The following VPS13C variants were observed in gnomAD, a reference collection of about 807,000 sequenced individuals.
The protein encoded by VPS13C is vacuolar protein sorting 13 homolog C, also known as intermembrane lipid transfer protein VPS13C.
VPS13C carries 358 observed loss-of-function variants against 456.8 expected under a neutral mutation model. The observed-to-expected ratio is 0.78, with a 90% CI of 0.72 to 0.86. VPS13C has a LOEUF of 0.86. VPS13C is among the 40% of genes least tolerant of loss of function. VPS13C has a pLI of 0.00. For synonymous variants in VPS13C, 1,578 were observed against 1,486.7 expected, an observed-to-expected ratio of 1.06 and a Z score of -1.41; for missense variants, 4,818 against 4,385.4, an observed-to-expected ratio of 1.10 and a Z score of -2.79.
intron 68 of VPS13C, among the ~76,000 whole-genome samples, chr15:61,883,202 T>C (rs554022672): frequency 7.1e-6 from 1 of 140,354 alleles, no homozygotes; most frequent in African/African-American, 2.5e-5. Context: ...AATTTTATTA[T>C]CTTTTTTTTT....
chr15:61,980,311 G>A (rs2045842966), intron 22 of VPS13C, among the ~76,000 whole-genome samples: 1 of 149,314 alleles, frequency 6.7e-6, no homozygotes, highest in Admixed American at 6.7e-5. Context: ...TCCAGTCAAA[G>A]CAAAAGCAGA....
intron 80 of VPS13C, among the ~76,000 whole-genome samples, chr15:61,869,116 C>CTTTTTTTTTTTTTTT (rs68084709): frequency 2.3e-5 from 3 of 131,306 alleles, no homozygotes; most frequent in East Asian, 2.3e-4. Context: ...TTTCTTTTTT[C>CTTTTTTTTTTTTTTT]TTTTTTTTTT....
chr15:62,007,871 C>G (rs777876169), intron 14 of VPS13C, among the ~76,000 whole-genome samples: 7 of 152,038 alleles, frequency 4.6e-5, no homozygotes, highest in Non-Finnish European at 8.8e-5. Context: ...CTTTGAGAGG[C>G]CAAGGCGGGC....
At position 61,964,831 on chromosome 15, in the gene VPS13C, G is replaced by C; in HGVS notation, c.3082C>G (p.Gln1028Glu). Residue 1028 changes from glutamine to glutamate, a missense_variant, in exon 31 of 85, where the codon CAA (glutamine) becomes GAA (glutamate). Coordinates refer to ENST00000644861, the MANE Select transcript of VPS13C (RefSeq NM_020821.3). ...VAFSSLNLLL[Q>E]TQALVASINY... ...ATAGAAGCGACAAGAGCTTGTGTTT[G>C]CAGCAACAGATTTAAAGATGAAAAG... 6.3e-7 allele frequency: 1 copy of C among 1,599,866 alleles called. No homozygotes were observed. The highest frequency in any genetic ancestry group is 8.5e-7 in the Non-Finnish European group (1 of 1,175,928).
rs1314872218 is a variant in VPS13C at position 61,867,116 on chromosome 15, G to A, written c.10863+1543C>T. The A allele has an allele frequency of 2.0e-6, 2 of 978,666 alleles. No homozygotes were observed. The highest frequency in any genetic ancestry group is 3.5e-5 in the African/African-American group (2 of 57,070). The allele number at this position is 978,666 out of a possible 1,614,324, so 60.6% of individuals were successfully genotyped here. A position where few individuals can be genotyped will look rare whatever the true frequency, so the allele number is the denominator to read the frequency against. ...ATTTAAAAGCAAAAGGTTGGTTTTT[G>A]AAAATAAAGAAATCTATGTATTCAA... On this transcript the variant is annotated intron_variant, in intron 81 of 84. Coordinates refer to ENST00000644861, the MANE Select transcript of VPS13C (RefSeq NM_020821.3). The surrounding 1 kb of genome is among the most constrained non-coding windows in gnomAD (Gnocchi z 5.0).
rs746313016 is a variant in VPS13C at position 61,877,019 on chromosome 15, T to C, written c.10178A>G (p.Lys3393Arg). 1.2e-6 allele frequency: 2 copies of C among 1,609,940 alleles called. No homozygotes were observed. The highest frequency in any genetic ancestry group is 1.7e-6 in the Non-Finnish European group (2 of 1,177,696). Reference sequence around the variant, plus strand: ...AACACTCCATATAAGCTGATCTCTCTTGTAGAACTGATATCGAATTTCATA... The same window carrying C: ...AACACTCCATATAAGCTGATCTCTCCTGTAGAACTGATATCGAATTTCATA... ...AYYEIRYQFY[K>R]RDQLIWSVVR... is the part of the protein sequence containing the mutation. The change falls in exon 75 of 85, where the codon AAG (lysine) becomes AGG (arginine). Residue 3393 changes from lysine to arginine, a missense_variant. Lys to Arg is a conservative substitution (Grantham distance 26). This residue lies in a region of VPS13C where 4,552 missense variants were observed against 4,130.6 expected (regional missense o/e 1.10). Coordinates refer to ENST00000644861, the MANE Select transcript of VPS13C (RefSeq NM_020821.3).
At chr15:61,877,426 T>G (rs1895506495) in intron 74 of VPS13C, among the ~76,000 whole-genome samples, 2 of 76,944 alleles carry the variant, frequency 2.6e-5, no homozygotes, top group Non-Finnish European at 7.7e-5. Flanking sequence ...TTTCTCTATG[T>G]TATTTAAAAC....
intron 81 of VPS13C, 92 bp downstream of exon 81, chr15:61,868,567 G>C: frequency 9.7e-7 from 1 of 1,026,512 alleles, no homozygotes; most frequent in South Asian, 1.4e-5. Flanking sequence ...AGCAGTTCAA[G>C]AATCAGGAAC....
chr15:62,044,976 T>G lies in VPS13C; in HGVS notation c.101-721A>C, dbSNP rs570455158. 4.6e-5 allele frequency among the ~76,000 whole-genome samples: 7 copies of G among 152,284 alleles called. No individual in the cohort carries two copies. The South Asian group carries it at 1.5e-3, about 32-fold the overall frequency. On this transcript the variant is annotated intron_variant, in intron 1 of 84. Coordinates refer to ENST00000644861, the MANE Select transcript of VPS13C (RefSeq NM_020821.3). ...AGGCGTAAATTACTGTAATATATTT[T>G]CTTAATCATTTATGACACATATATT...
chr15:61,950,494 C>G, intron 40 of VPS13C, 77 bp from the exon 41 acceptor site: 15 of 1,124,486 alleles, frequency 1.3e-5, no homozygotes, highest in Non-Finnish European at 9.2e-6. Flanking sequence ...ATATTCTTTA[C>G]TTTTCTAAGT....
At chr15:61,994,998 C>T (rs1274761157) in intron 16 of VPS13C, among the ~76,000 whole-genome samples, 1 of 152,192 alleles carries the variant, frequency 6.6e-6, no homozygotes, top group East Asian at 1.9e-4. Flanking sequence ...TCTCTTGACT[C>T]CACATTGTCC....
intron 34 of VPS13C, among the ~76,000 whole-genome samples, chr15:61,962,127 A>C (rs1292082866): frequency 2.6e-5 from 4 of 152,146 alleles, no homozygotes; most frequent in African/African-American, 9.7e-5. Context: ...TTTTTCCAAT[A>C]ATTTTTATAC....
chr15:61,854,848 G>C (rs757938502), intron 84 of VPS13C, 23 bp downstream of exon 84: 1 of 1,585,026 alleles, frequency 6.3e-7, no homozygotes, highest in Non-Finnish European at 8.5e-7. Flanking sequence ...AAAAAATTGA[G>C]GCATGCTCTT....
intron 51 of VPS13C, 119 bp downstream of exon 51, chr15:61,929,382 T>A: frequency 1.5e-6 from 2 of 1,307,320 alleles, no homozygotes; most frequent in Non-Finnish European, 2.0e-6. Context: ...TTATATAGAA[T>A]ATGTTTAAAT....
intron 24 of VPS13C, among the ~76,000 whole-genome samples, chr15:61,975,607 T>G (rs1222909786): frequency 6.6e-6 from 1 of 152,040 alleles, no homozygotes; most frequent in Non-Finnish European, 1.5e-5. Context: ...TAGCCCTATA[T>G]CTATGAAAAA....
chr15:62,024,290 G>C (rs2047559306), intron 6 of VPS13C, among the ~76,000 whole-genome samples: 1 of 152,044 alleles, frequency 6.6e-6, no homozygotes, highest in South Asian at 2.1e-4. Context: ...GTTGCCCACA[G>C]ATGACTTCCT....
In VPS13C at chr15:61,880,898, C is replaced by G. The variant is rs1895799706; in HGVS notation, c.9833G>C (p.Gly3278Ala). ...TGGGGTAAACAGTGCAATAATAGCT[C>G]CTAGAAACCCTTGATCAATTTTTAA... ...MALKIDQGFL[G>A]AIIALFTPTT... Residue 3278 changes from glycine to alanine, a missense_variant, in exon 72 of 85, where the codon GGA becomes GCA. Physicochemically the swap from Gly to Ala is moderately conservative, Grantham distance 60. Around this residue, in one of 3 missense-constraint regions of VPS13C, gnomAD observed 4,552 missense variants for 4,130.6 expected, o/e 1.10. Transcript: ENST00000644861. 1 of 1,610,378 alleles carries G rather than the reference C, an allele frequency of 6.2e-7. No individual in the cohort carries two copies. The highest frequency in any genetic ancestry group is 1.7e-5 in the Admixed American group (1 of 59,602).
chr15:61,895,492 T>G (rs1566976782), intron 66 of VPS13C, among the ~76,000 whole-genome samples: 2 of 151,998 alleles, frequency 1.3e-5, no homozygotes, highest in Non-Finnish European at 2.9e-5. Context: ...ATCAATAAAA[T>G]CAGACATGAA....
chr15:61,889,689 A>C (rs1297230025), intron 67 of VPS13C, among the ~76,000 whole-genome samples: 1 of 152,176 alleles, frequency 6.6e-6, no homozygotes, highest in Non-Finnish European at 1.5e-5. Flanking sequence ...ACTCATATCA[A>C]ATACAGCCTC....
Sources: gnomAD v4.1 joint callset for allele counts (sites outside exome capture counted in the v4.1 genomes callset) on GRCh38, gnomAD v4.1.1 for gene constraint, gnomAD v4.1.1 regional missense constraint, Gnocchi (gnomAD v3.1) non-coding constraint, MANE v1.5 for transcripts, NCBI Gene and HGNC (gene_info 2026-07-23, HGNC 2026-07-21) for gene names.